LRRC4C: variants seen among roughly 807,000 people sequenced by gnomAD.
LRRC4C encodes the protein leucine rich repeat containing 4C.
A neutral mutation model predicts 33.6 loss-of-function variants in LRRC4C; 5 were observed. The observed-to-expected ratio is 0.15, with a 90% CI of 0.08 to 0.31. The LOEUF is 0.31. LRRC4C is among the 10% of genes least tolerant of loss of function. The pLI, the probability that LRRC4C is intolerant of heterozygous loss-of-function variation, is 1.00. For missense variants in LRRC4C, 560 were observed against 796.7 expected (o/e 0.70, Z 3.58); for synonymous variants, 329 against 302.0 (o/e 1.09, Z -0.93).
intron 2 of LRRC4C, among the ~76,000 whole-genome samples, chr11:40,724,929 C>T (rs914728102): frequency 6.6e-6 from 1 of 152,082 alleles, no homozygotes; most frequent in Non-Finnish European, 1.5e-5. Flanking sequence ...TCAGTCTTGG[C>T]AGATGAGGGA....
intron 3 of LRRC4C, among the ~76,000 whole-genome samples, chr11:40,456,905 G>A (rs1952156563): frequency 7.7e-6 from 1 of 129,990 alleles, no homozygotes. Context: ...GAGGGGAAAA[G>A]GAAAGAAAGG....
At chr11:41,371,109 C>G (rs781178497) in intron 1 of LRRC4C, among the ~76,000 whole-genome samples, 3 of 152,060 alleles carry the variant, frequency 2.0e-5, no homozygotes, top group Non-Finnish European at 4.4e-5. Flanking sequence ...AAAAGGTTCT[C>G]AGCCGCCTTG....
intron 1 of LRRC4C, among the ~76,000 whole-genome samples, chr11:41,110,077 C>T (rs1239781715): frequency 6.6e-6 from 1 of 151,936 alleles, no homozygotes; most frequent in Admixed American, 6.6e-5. Context: ...TTTATTGCTC[C>T]ATGGGAAGTC....
intron 3 of LRRC4C, among the ~76,000 whole-genome samples, chr11:40,539,810 TTAAG>T (rs985194760): frequency 1.3e-4 from 20 of 152,140 alleles, no homozygotes. Flanking sequence ...GAATCAAACT[TTAAG>T]TGAGTTTTGT....
chr11:40,527,692 G>A (rs1206022826), intron 3 of LRRC4C, among the ~76,000 whole-genome samples: 1 of 152,112 alleles, frequency 6.6e-6, no homozygotes, highest in Admixed American at 6.6e-5. Flanking sequence ...TATCTAAATA[G>A]ATAATGAGTA....
At chr11:40,294,474 G>C (rs1433783194) in intron 4 of LRRC4C, among the ~76,000 whole-genome samples, 1 of 152,074 alleles carries the variant, frequency 6.6e-6, no homozygotes, top group African/African-American at 2.4e-5. Context: ...GTTGCTTTCA[G>C]GTTGCAGGTT....
At chr11:40,798,663 G>C (rs1950924502) in intron 2 of LRRC4C, among the ~76,000 whole-genome samples, 1 of 136,840 alleles carries the variant, frequency 7.3e-6, no homozygotes, top group Non-Finnish European at 1.5e-5. Flanking sequence ...TTTTTTTTGA[G>C]ATGGAGTTTC....
intron 2 of LRRC4C, among the ~76,000 whole-genome samples, chr11:40,912,823 A>T (rs1374616444): frequency 3.3e-5 from 5 of 151,934 alleles, no homozygotes; most frequent in African/African-American, 2.4e-5. Context: ...AGAGACACAC[A>T]TAGGCTCAAA....
At chr11:41,187,666 C>T (rs1452762107) in intron 1 of LRRC4C, among the ~76,000 whole-genome samples, 1 of 152,186 alleles carries the variant, frequency 6.6e-6, no homozygotes, top group Non-Finnish European at 1.5e-5. Flanking sequence ...TGCAGTAAGG[C>T]AGGGGTCTAA....
At chr11:40,614,779 A>C (rs973908047) in intron 3 of LRRC4C, among the ~76,000 whole-genome samples, 2 of 151,574 alleles carry the variant, frequency 1.3e-5, no homozygotes, top group African/African-American at 4.8e-5. Flanking sequence ...TAGTTCAGGG[A>C]ATAAGGAGGC....
At chr11:40,478,404 G>A (rs1953360587) in intron 3 of LRRC4C, among the ~76,000 whole-genome samples, 1 of 152,168 alleles carries the variant, frequency 6.6e-6, no homozygotes, top group Non-Finnish European at 1.5e-5. Context: ...GGTTTAGGAA[G>A]CTCCAGTCCA....
chr11:40,915,811 A>G (rs976834238), intron 2 of LRRC4C, among the ~76,000 whole-genome samples: 1 of 152,092 alleles, frequency 6.6e-6, no homozygotes, highest in African/African-American at 2.4e-5. Context: ...ACAAAGGGCT[A>G]ATATCCAGAA....
chr11:40,818,857 C>A (rs1951811703), intron 2 of LRRC4C, among the ~76,000 whole-genome samples: 1 of 152,062 alleles, frequency 6.6e-6, no homozygotes, highest in African/African-American at 2.4e-5. Context: ...TAATACTGCA[C>A]CCATTTTCTT....
At chr11:40,590,831 C>G (rs1303734788) in intron 3 of LRRC4C, among the ~76,000 whole-genome samples, 1 of 152,310 alleles carries the variant, frequency 6.6e-6, no homozygotes, top group African/African-American at 2.4e-5. Flanking sequence ...GGCAGTCTGC[C>G]CATTCTCAGA....
chr11:40,827,956 A>G (rs772908746), intron 2 of LRRC4C, among the ~76,000 whole-genome samples: 2 of 151,806 alleles, frequency 1.3e-5, no homozygotes, highest in Non-Finnish European at 3.0e-5. Flanking sequence ...AACAATTACA[A>G]TATCTTTATA....
intron 4 of LRRC4C, among the ~76,000 whole-genome samples, chr11:40,309,425 A>G (rs1295917758): frequency 3.3e-5 from 5 of 152,158 alleles, no homozygotes; most frequent in South Asian, 2.1e-4. Context: ...ATTGCATTAT[A>G]TGAGTAGACA....
chr11:41,379,751 A>T (rs188648267), intron 1 of LRRC4C, among the ~76,000 whole-genome samples: 3 of 151,762 alleles, frequency 2.0e-5, no homozygotes, highest in Non-Finnish European at 4.4e-5. Context: ...TGTTAGGGGT[A>T]AAAAAAGGGC....
intron 1 of LRRC4C, among the ~76,000 whole-genome samples, chr11:41,117,446 C>A (rs1379536937): frequency 6.6e-6 from 1 of 152,032 alleles, no homozygotes; most frequent in Non-Finnish European, 1.5e-5. Flanking sequence ...GTGAAAATAG[C>A]TTAATACAAA....
chr11:40,858,896 G>A (rs2135817270), intron 2 of LRRC4C, among the ~76,000 whole-genome samples: 1 of 152,104 alleles, frequency 6.6e-6, no homozygotes, highest in South Asian at 2.1e-4. Context: ...CAAATAGGTA[G>A]AATTGATTTC....
Sources: gnomAD v4.1 joint callset for allele counts (sites outside exome capture counted in the v4.1 genomes callset) on GRCh38, gnomAD v4.1.1 for gene constraint, MANE v1.5 for transcripts, NCBI Gene and HGNC (gene_info 2026-07-23, HGNC 2026-07-21) for gene names.